Variants in FAM110B observed in about 807,000 individuals in gnomAD.
The protein encoded by FAM110B is protein FAM110B.
FAM110B carries 6 observed loss-of-function variants against 20.4 expected under a neutral mutation model. The ratio of observed to expected loss-of-function variants is 0.29; its 90% CI spans 0.16 to 0.58. FAM110B has a LOEUF of 0.58. FAM110B is among the 20% of genes least tolerant of loss of function. FAM110B has a pLI of 0.90. For synonymous variants in FAM110B, 226 were observed against 214.1 expected, an observed-to-expected ratio of 1.06 and a Z score of -0.49; for missense variants, 434 against 498.2, an observed-to-expected ratio of 0.87 and a Z score of 1.23.
chr8:58,058,990 T>TGA (rs1429610808), intron 2 of FAM110B, among the ~76,000 whole-genome samples: 4 of 152,202 alleles, frequency 2.6e-5, no homozygotes, highest in African/African-American at 9.6e-5. Flanking sequence ...AAATCATTGT[T>TGA]CTGATTCTAT....
At chr8:58,119,640 A>G (rs929236173) in intron 3 of FAM110B, among the ~76,000 whole-genome samples, 2 of 152,200 alleles carry the variant, frequency 1.3e-5, no homozygotes, top group Non-Finnish European at 2.9e-5. Context: ...GGGTACTTAT[A>G]GTCTTGTTGC....
intron 1 of FAM110B, among the ~76,000 whole-genome samples, chr8:58,025,973 A>G (rs554999873): frequency 2.6e-5 from 4 of 152,318 alleles, no homozygotes; most frequent in African/African-American, 4.8e-5. Context: ...TTCCAGACTC[A>G]TGCATCATCT....
At chr8:58,142,616 C>T (rs1803768519) in intron 3 of FAM110B, among the ~76,000 whole-genome samples, 1 of 151,316 alleles carries the variant, frequency 6.6e-6, no homozygotes, top group Non-Finnish European at 1.5e-5. Flanking sequence ...TTCATATCTG[C>T]TCTGATTCAG....
chr8:58,066,914 C>A (rs941671400), intron 2 of FAM110B, among the ~76,000 whole-genome samples: 3 of 152,150 alleles, frequency 2.0e-5, no homozygotes, highest in Non-Finnish European at 2.9e-5. Context: ...GCCGCAATAG[C>A]CCTACGTGCA....
chr8:58,131,086 A>G (rs1337763220), intron 3 of FAM110B, among the ~76,000 whole-genome samples: 1 of 152,174 alleles, frequency 6.6e-6, no homozygotes, highest in African/African-American at 2.4e-5. Flanking sequence ...ATGATTAAAA[A>G]GGCCTTCTCC....
At chr8:58,035,830 G>A (rs1257827108) in intron 2 of FAM110B, among the ~76,000 whole-genome samples, 1 of 152,148 alleles carries the variant, frequency 6.6e-6, no homozygotes, top group Non-Finnish European at 1.5e-5. Flanking sequence ...AGTTTAGGAT[G>A]CCGATGGGCT....
chr8:58,078,676 A>G (rs1455337394), intron 3 of FAM110B, among the ~76,000 whole-genome samples: 2 of 147,786 alleles, frequency 1.4e-5, no homozygotes, highest in Admixed American at 6.9e-5. Context: ...TCAGCCTCCC[A>G]AGTAGCTGGG....
chr8:58,079,172 A>G (rs1029998720), intron 3 of FAM110B, among the ~76,000 whole-genome samples: 2 of 152,140 alleles, frequency 1.3e-5, no homozygotes, highest in African/African-American at 4.8e-5. Context: ...CTCTGAGGCC[A>G]TCTCAGCTGA....
chr8:58,053,036 C>T (rs888529701), intron 2 of FAM110B, among the ~76,000 whole-genome samples: 18 of 151,406 alleles, frequency 1.2e-4, no homozygotes, highest in Non-Finnish European at 2.2e-4. Flanking sequence ...CCGCCCGCCT[C>T]GGCCTCCCAA....
rs547604202 is a variant in FAM110B, at chr8:58,090,175, G to A, written c.-325+14552G>A. 9.2e-5 allele frequency among the ~76,000 whole-genome samples: 14 copies of A among 152,258 alleles called. 1 individual carries two copies. Among genetic ancestry groups the A allele is most frequent in the Admixed American group, 2.6e-4 (4 of 15,292 alleles). On this transcript the variant is annotated intron_variant, in intron 3 of 3. Coordinates refer to ENST00000519262, the MANE Select transcript of FAM110B (RefSeq NM_001377989.1). ...TTTCTCTTTTTTGGGGGGCAGGGGGGCGGAGACAAAGTCTCGCTGTGTTAC... is the reference window on the plus strand; with the variant it reads ...TTTCTCTTTTTTGGGGGGCAGGGGGACGGAGACAAAGTCTCGCTGTGTTAC...
At chr8:58,051,768 CTAAAA>C (rs1404334087) in intron 2 of FAM110B, among the ~76,000 whole-genome samples, 4 of 152,192 alleles carry the variant, frequency 2.6e-5, no homozygotes, top group Admixed American at 6.5e-5. Flanking sequence ...TAAAAATCAC[CTAAAA>C]TAAGTTGTTA....
intron 2 of FAM110B, among the ~76,000 whole-genome samples, chr8:58,036,237 T>G (rs1805072336): frequency 6.6e-6 from 1 of 152,218 alleles, no homozygotes; most frequent in African/African-American, 2.4e-5. Context: ...ATGAAAACAT[T>G]CTGTCTCTAT....
chr8:58,025,304 G>A (rs1039147416), intron 1 of FAM110B, among the ~76,000 whole-genome samples: 6 of 152,148 alleles, frequency 3.9e-5, no homozygotes, highest in Admixed American at 2.6e-4. Flanking sequence ...GGCATGGGCC[G>A]AAAGTCTCCA....
chr8:58,125,152 C>T (rs71519498), intron 3 of FAM110B, among the ~76,000 whole-genome samples: 36 of 152,136 alleles, frequency 2.4e-4, no homozygotes, highest in Non-Finnish European at 3.7e-4. Context: ...AGTTCGAGAC[C>T]AGCCTGAGCA....
intron 3 of FAM110B, among the ~76,000 whole-genome samples, chr8:58,095,884 G>C (rs1044780602): frequency 1.3e-5 from 2 of 152,106 alleles, no homozygotes; most frequent in South Asian, 4.1e-4. Context: ...AAGTCTCTTT[G>C]TAGGTCTCTA....
intron 3 of FAM110B, among the ~76,000 whole-genome samples, chr8:58,108,700 G>A (rs1021925523): frequency 7.2e-5 from 11 of 152,178 alleles, no homozygotes; most frequent in Admixed American, 2.0e-4. Context: ...ATCCGGGGGC[G>A]GTGAATTCCC....
intron 3 of FAM110B, among the ~76,000 whole-genome samples, chr8:58,110,071 G>T (rs1260293577): frequency 6.6e-6 from 1 of 152,154 alleles, no homozygotes; most frequent in Non-Finnish European, 1.5e-5. Context: ...CACCACAAAG[G>T]CCTGAAGCTT....
Position 58,147,719 on chromosome 8 carries a change from A to G in FAM110B, c.*376A>G, listed in dbSNP as rs1359528268. 1.5e-5 allele frequency: 3 copies of G among 203,516 alleles called. No individual in the cohort carries two copies. The highest frequency in any genetic ancestry group is 3.3e-5 in the Non-Finnish European group (3 of 89,854). The allele number at this position is 203,516 out of a possible 1,614,324, so 12.6% of individuals were successfully genotyped here. A position where few individuals can be genotyped will look rare whatever the true frequency, so the allele number is the denominator to read the frequency against. On this transcript the variant is annotated 3_prime_UTR_variant, in exon 4 of 4. Coordinates refer to ENST00000519262, the MANE Select transcript of FAM110B (RefSeq NM_001377989.1). The stretch of plus-strand genomic sequence containing the variant: ...AACTGGCTTTTAAGTTGAGAGCAGA[A>G]TCTTTTTGAAATAAAAAGCCACTTT...
intron 3 of FAM110B, among the ~76,000 whole-genome samples, chr8:58,097,819 C>T (rs57679215): frequency 1.6e-3 from 247 of 152,332 alleles, no homozygotes; most frequent in African/African-American, 5.5e-3. Flanking sequence ...TTCTAACAGT[C>T]AGGCCCCTCT....
Sources: gnomAD v4.1 joint callset for allele counts (sites outside exome capture counted in the v4.1 genomes callset) on GRCh38, gnomAD v4.1.1 for gene constraint, MANE v1.5 for transcripts, NCBI Gene and HGNC (gene_info 2026-07-23, HGNC 2026-07-21) for gene names.